DCLK2: variants seen among roughly 807,000 people sequenced by gnomAD.
The protein encoded by DCLK2 is doublecortin like kinase 2, also known as serine/threonine-protein kinase DCLK2.
In DCLK2, 31 loss-of-function variants were observed where a neutral mutation model predicts 78.4. That is an observed-to-expected ratio of 0.40 (90% CI 0.30 to 0.53). The LOEUF is 0.53. DCLK2 is among the 20% of genes least tolerant of loss of function. The pLI is 0.61. For synonymous variants in DCLK2, 407 were observed against 374.9 expected, an observed-to-expected ratio of 1.09 and a Z score of -0.99; for missense variants, 872 against 973.7, an observed-to-expected ratio of 0.90 and a Z score of 1.39.
At chr4:150,202,657 G>T (rs1739541874) in intron 4 of DCLK2, among the ~76,000 whole-genome samples, 1 of 151,992 alleles carries the variant, frequency 6.6e-6, no homozygotes, top group Non-Finnish European at 1.5e-5. Context: ...AATAATAGTT[G>T]TCGCTCTCTC....
intron 2 of DCLK2, among the ~76,000 whole-genome samples, chr4:150,143,355 A>C (rs1734237432): frequency 6.6e-6 from 1 of 152,106 alleles, no homozygotes; most frequent in East Asian, 1.9e-4. Flanking sequence ...ATAAACATCT[A>C]AGTGCAGGTT....
intron 15 of DCLK2, among the ~76,000 whole-genome samples, chr4:150,250,332 A>T (rs1166099853): frequency 6.6e-6 from 1 of 152,170 alleles, no homozygotes; most frequent in African/African-American, 2.4e-5. Flanking sequence ...ATTAAAATGA[A>T]AAGTGACATG....
intron 2 of DCLK2, among the ~76,000 whole-genome samples, chr4:150,190,519 C>T (rs994217970): frequency 1.3e-5 from 2 of 152,020 alleles, no homozygotes; most frequent in Non-Finnish European, 2.9e-5. Context: ...ACCTTAAAAA[C>T]GTGCTAAGTA....
In DCLK2 at chr4:150,102,602, T is replaced by C. The variant is rs1474879137; in HGVS notation, c.546T>C (p.Ser182=). The change falls in exon 2 of 16, where the codon TCT becomes TCC. Residue 182 remains serine, a synonymous_variant. Transcript: ENST00000296550. ...GTSRALAAAS[S]VKSEVKESKD... is the part of the protein sequence containing the mutation. ...CCCGAGCGCTGGCTGCTGCCTCCTC[T>C]GTGAAAAGTGAAGTAAAAGAAAGTA... The C allele has an allele frequency of 6.2e-7, 1 of 1,614,158 alleles. No individual in the cohort carries two copies. The highest frequency in any genetic ancestry group is 1.1e-5 in the South Asian group (1 of 91,084).
At chr4:150,197,801 G>GAA (rs879231367) in intron 3 of DCLK2, among the ~76,000 whole-genome samples, 18 of 113,206 alleles carry the variant, frequency 1.6e-4, no homozygotes, top group African/African-American at 4.2e-4. Flanking sequence ...TCTCAAGAGA[G>GAA]AAAAAAAAAA....
intron 12 of DCLK2, among the ~76,000 whole-genome samples, chr4:150,242,716 C>G (rs184455302): frequency 6.6e-6 from 1 of 152,308 alleles, no homozygotes; most frequent in East Asian, 1.9e-4. Flanking sequence ...AGGGCAAGTT[C>G]TGCTCCCCGA....
chr4:150,249,613 A>T lies in DCLK2; in HGVS notation c.2002A>T (p.Lys668Ter). The T allele has an allele frequency of 6.2e-7, 1 of 1,613,806 alleles. No homozygotes were observed. Among genetic ancestry groups the T allele is most frequent in the Non-Finnish European group, 8.5e-7 (1 of 1,179,982 alleles). Residue 668 changes from lysine (K) to a stop codon, truncating the protein, a stop_gained, in exon 15 of 16, where the codon AAA becomes TAA. Coordinates refer to ENST00000296550, the MANE Select transcript of DCLK2 (RefSeq NM_001040260.4). LOFTEE classifies it high-confidence loss of function. ...TAACATGCAAGCTGAGGTGACAGGT[A>T]AACTAAAACAGCACTTTAATAATGC... ...ENNMQAEVTG[K>*]LKQHFNNALP... is the part of the protein sequence containing the mutation.
intron 3 of DCLK2, 126 bp downstream of exon 3, chr4:150,193,366 A>G: frequency 1.9e-6 from 1 of 518,172 alleles, no homozygotes; most frequent in Non-Finnish European, 3.4e-6. Context: ...TAGCATTGGC[A>G]GTACAATTTT....
intron 2 of DCLK2, among the ~76,000 whole-genome samples, chr4:150,181,612 C>T (rs1198872352): frequency 6.6e-6 from 1 of 151,398 alleles, no homozygotes; most frequent in Non-Finnish European, 1.5e-5. Flanking sequence ...AAGGTTAGAT[C>T]CAGTGTTTTT....
chr4:150,184,862 A>G (rs1485245550), intron 2 of DCLK2, among the ~76,000 whole-genome samples: 1 of 151,782 alleles, frequency 6.6e-6, no homozygotes, highest in Non-Finnish European at 1.5e-5. Flanking sequence ...CAGCCTCCCA[A>G]AGTGCTGGGA....
rs144505113 is a variant in DCLK2, at chr4:150,081,830, T to TAA, written c.421+2399_421+2400dup. On this transcript the variant is annotated intron_variant, in intron 1 of 15. Coordinates refer to ENST00000296550, the MANE Select transcript of DCLK2 (RefSeq NM_001040260.4). ...AACAAGGTGAAACCCCATCTCTACT[T>TAA]AAAAAAAAAAAAAAAAAATTAGCCG... Among the ~76,000 whole-genome samples the TAA allele has an allele frequency of 8.7e-3, 1,242 of 143,146 alleles. 9 individuals are homozygous for TAA. Among genetic ancestry groups the TAA allele is most frequent in the African/African-American group, 0.01 (399 of 38,196 alleles). The allele number at this position is 143,146 out of a possible 152,430, so 93.9% of individuals were successfully genotyped here. A position where few individuals can be genotyped will look rare whatever the true frequency, so the allele number is the denominator to read the frequency against.
intron 9 of DCLK2, 47 bp downstream of exon 9, chr4:150,232,503 A>T: frequency 6.2e-7 from 1 of 1,601,962 alleles, no homozygotes; most frequent in Non-Finnish European, 8.5e-7. Flanking sequence ...CACAATTTAC[A>T]ACATCCTTGA....
chr4:150,128,240 CA>C (rs1733055420), intron 2 of DCLK2, among the ~76,000 whole-genome samples: 1 of 152,082 alleles, frequency 6.6e-6, no homozygotes, highest in Admixed American at 6.5e-5. Context: ...CCCAAAACAT[CA>C]GTAGTGCCAA....
rs550600541 is a variant in DCLK2 at position 150,090,134 on chromosome 4, G to A, written c.421+10686G>A. Reference sequence around the variant, plus strand: ...AATAAACGCCCTATGGGCTGGGCACGGTGGCTCATGCCTGTAATCCCAGCA... The same window carrying A: ...AATAAACGCCCTATGGGCTGGGCACAGTGGCTCATGCCTGTAATCCCAGCA... On this transcript the variant is annotated intron_variant, in intron 1 of 15. Transcript: ENST00000296550. Among the ~76,000 whole-genome samples, 11 of 135,100 alleles carry A rather than the reference G, an allele frequency of 8.1e-5. No homozygotes were observed. The East Asian group carries it at 9.1e-4, about 11-fold the overall frequency. 88.6% of individuals were successfully genotyped at this position (135,100 alleles called of 152,430 possible).
intron 2 of DCLK2, among the ~76,000 whole-genome samples, chr4:150,132,456 A>G (rs1026239652): frequency 2.6e-5 from 4 of 152,252 alleles, no homozygotes; most frequent in African/African-American, 9.6e-5. Flanking sequence ...AGAGCTTTCA[A>G]TGCCAGGGAT....
At chr4:150,121,012 A>G (rs1404302728) in intron 2 of DCLK2, among the ~76,000 whole-genome samples, 36 of 152,158 alleles carry the variant, frequency 2.4e-4, no homozygotes, top group Non-Finnish European at 1.5e-5. Flanking sequence ...CAGAGGTTGC[A>G]GTGAACCGAG....
At chr4:150,249,452 C>G in intron 14 of DCLK2, 116 bp from the exon 15 acceptor site, 1 of 770,206 alleles carries the variant, frequency 1.3e-6, no homozygotes, top group South Asian at 1.5e-5. Context: ...TAAGAGGGGC[C>G]CATTTAGGAA....
intron 5 of DCLK2, among the ~76,000 whole-genome samples, chr4:150,218,993 C>A (rs1169828473): frequency 2.0e-5 from 3 of 152,094 alleles, no homozygotes; most frequent in African/African-American, 7.2e-5. Context: ...GGCTTAAGCC[C>A]AGGAGTTCGA....
At chr4:150,147,734 A>G (rs113001168) in intron 2 of DCLK2, among the ~76,000 whole-genome samples, 2,348 of 152,338 alleles carry the variant, frequency 0.015, 22 homozygotes, top group Non-Finnish European at 0.025. Flanking sequence ...TGCTGGAAGT[A>G]TGCAGGGTCA....
Sources: allele counts gnomAD v4.1 joint callset (sites outside exome capture counted in the v4.1 genomes callset), GRCh38; gene constraint gnomAD v4.1.1; transcripts MANE v1.5; gene names NCBI Gene and HGNC (gene_info 2026-07-23, HGNC 2026-07-21).